The following CLDN10 variants were observed in gnomAD, a reference collection of about 807,000 sequenced individuals.
CLDN10 encodes the protein claudin 10, also known as claudin-10.
In CLDN10, 15 loss-of-function variants were observed where a neutral mutation model predicts 22.9. That is an observed-to-expected ratio of 0.65 (90% CI 0.44 to 1.01). The LOEUF (loss-of-function observed/expected upper bound fraction) is 1.01, where lower values mean the gene tolerates loss of function less well. CLDN10 is among the 50% of genes least tolerant of loss of function. The pLI, the probability that CLDN10 is intolerant of heterozygous loss-of-function variation, is 0.00. For missense variants in CLDN10, 247 were observed against 287.8 expected, an observed-to-expected ratio of 0.86 and a Z score of 1.03; for synonymous variants, 114 against 111.4, an observed-to-expected ratio of 1.02 and a Z score of -0.15.
At chr13:95,464,952 C>A (rs1236858421) in intron 1 of CLDN10, among the ~76,000 whole-genome samples, 1 of 152,126 alleles carries the variant, frequency 6.6e-6, no homozygotes, top group African/African-American at 2.4e-5. Flanking sequence ...GTCTCAAACT[C>A]CTGACCTCAA....
Position 95,562,499 on chromosome 13 carries a change from A to G in CLDN10, c.464+2036A>G, listed in dbSNP as rs945934302. 2.6e-5 allele frequency among the ~76,000 whole-genome samples: 4 copies of G among 152,368 alleles called. No individual in the cohort carries two copies. The East Asian group carries it at 7.7e-4, about 29-fold the overall frequency. Reference sequence around the variant, plus strand: ...TATCCCCTGCCTATAATACAAAAACATGTCCTAATTTATTAATTTTCTCCT... The same window carrying G: ...TATCCCCTGCCTATAATACAAAAACGTGTCCTAATTTATTAATTTTCTCCT... On this transcript the variant is annotated intron_variant, in intron 3 of 4. Coordinates refer to ENST00000299339, the MANE Select transcript of CLDN10 (RefSeq NM_006984.5).
intron 1 of CLDN10, among the ~76,000 whole-genome samples, chr13:95,466,350 CTT>C (rs1401808863): frequency 1.3e-5 from 2 of 151,672 alleles, no homozygotes; most frequent in Non-Finnish European, 2.9e-5. Context: ...TGTTTCCTCT[CTT>C]CTATTTTTTG....
intron 1 of CLDN10, among the ~76,000 whole-genome samples, chr13:95,455,656 C>A (rs2042475800): frequency 6.6e-6 from 1 of 152,148 alleles, no homozygotes; most frequent in Non-Finnish European, 1.5e-5. Flanking sequence ...TCACTCATTA[C>A]ATTTCTTCCT....
intron 1 of CLDN10, among the ~76,000 whole-genome samples, chr13:95,434,511 A>G (rs1056753036): frequency 7.4e-6 from 1 of 135,928 alleles, no homozygotes; most frequent in Non-Finnish European, 1.5e-5. Flanking sequence ...AGGTATCTAT[A>G]TGTGTGTGTG....
chr13:95,526,728 A>C (rs867720683), intron 1 of CLDN10, among the ~76,000 whole-genome samples: 144 of 152,266 alleles, frequency 9.5e-4, no homozygotes, highest in African/African-American at 3.2e-3. Flanking sequence ...TGGAGGTTGC[A>C]GTGAACCAAT....
At chr13:95,565,576 A>G (rs1566341105) in intron 3 of CLDN10, among the ~76,000 whole-genome samples, 1 of 152,224 alleles carries the variant, frequency 6.6e-6, no homozygotes, top group East Asian at 1.9e-4. Flanking sequence ...ATAATAAAAT[A>G]TTTTCACCAT....
intron 1 of CLDN10, among the ~76,000 whole-genome samples, chr13:95,455,645 T>A (rs531418053): frequency 1.3e-5 from 2 of 152,268 alleles, no homozygotes. Flanking sequence ...AACTTATTTA[T>A]TCACTCATTA....
intron 1 of CLDN10, among the ~76,000 whole-genome samples, chr13:95,464,493 G>T (rs191640617): frequency 6.6e-6 from 1 of 152,146 alleles, no homozygotes; most frequent in South Asian, 2.1e-4. Flanking sequence ...TCTTAATCCA[G>T]TCTATGATTG....
intron 3 of CLDN10, among the ~76,000 whole-genome samples, chr13:95,567,391 TG>T (rs1193295952): frequency 6.6e-6 from 1 of 152,236 alleles, no homozygotes; most frequent in Non-Finnish European, 1.5e-5. Context: ...CAATTGTGAA[TG>T]GGAGTTCACT....
chr13:95,461,022 G>A (rs542792967), intron 1 of CLDN10, among the ~76,000 whole-genome samples: 1 of 152,242 alleles, frequency 6.6e-6, no homozygotes, highest in South Asian at 2.1e-4. Context: ...TGAGGCAGGG[G>A]AATTGCTTGA....
At chr13:95,453,574 C>T (rs1335910640) in intron 1 of CLDN10, among the ~76,000 whole-genome samples, 1 of 151,980 alleles carries the variant, frequency 6.6e-6, no homozygotes, top group Non-Finnish European at 1.5e-5. Context: ...AACCCAGTTA[C>T]TAGGGAGGCT....
chr13:95,485,131 G>C lies in CLDN10; in HGVS notation c.214+51084G>C, dbSNP rs2042792180. ...GAGAGCCACGTGGGGGTTGCAGCTG[G>C]GAACAGAGTGAACCACCAGGAAGCT... On this transcript the variant is annotated intron_variant, in intron 1 of 4. Transcript: ENST00000376873. 3.3e-5 allele frequency among the ~76,000 whole-genome samples: 4 copies of C among 119,540 alleles called. No homozygotes were observed. The South Asian group carries it at 1.1e-3, about 33-fold the overall frequency. 78.4% of individuals were successfully genotyped at this position (119,540 alleles called of 152,430 possible).
intron 1 of CLDN10, among the ~76,000 whole-genome samples, chr13:95,442,927 A>T (rs1249070421): frequency 1.3e-5 from 2 of 152,254 alleles, no homozygotes; most frequent in Non-Finnish European, 2.9e-5. Context: ...TGTCACAATC[A>T]TAAGTTAGCC....
At chr13:95,485,913 G>A (rs76453160) in intron 1 of CLDN10, among the ~76,000 whole-genome samples, 4,351 of 152,260 alleles carry the variant, frequency 0.029, 90 homozygotes, top group Middle Eastern at 0.071. Flanking sequence ...ACAACATTCT[G>A]AGATAAGGAA....
At chr13:95,521,056 C>A (rs75130888) in intron 1 of CLDN10, among the ~76,000 whole-genome samples, 15,153 of 151,938 alleles carry the variant, frequency 0.1, 923 homozygotes, top group Middle Eastern at 0.13. Context: ...TTGCTAAACT[C>A]TCATATTAAT....
At chr13:95,475,494 A>G (rs962455998) in intron 1 of CLDN10, among the ~76,000 whole-genome samples, 1 of 152,078 alleles carries the variant, frequency 6.6e-6, no homozygotes. Context: ...TTGCCAGCCC[A>G]CCTCAGCTGT....
chr13:95,505,211 T>C (rs561368792), intron 1 of CLDN10, among the ~76,000 whole-genome samples: 4 of 152,366 alleles, frequency 2.6e-5, no homozygotes, highest in African/African-American at 9.6e-5. Flanking sequence ...GATAGGATGG[T>C]ATCAGGTTCT....
At position 95,560,043 on chromosome 13, in the gene CLDN10, C is replaced by T; in HGVS notation, c.221-89C>T. 15 of 1,278,832 alleles carry T rather than the reference C, an allele frequency of 1.2e-5. No homozygotes were observed. In the South Asian group the frequency reaches 2.0e-4, roughly 17 times the overall value. The allele number at this position is 1,278,832 out of a possible 1,614,324, so 79.2% of individuals were successfully genotyped here. A position where few individuals can be genotyped will look rare whatever the true frequency, so the allele number is the denominator to read the frequency against. ...CCATCACAGTTATCTTTTTGGAAAACAAACATCCAGAATGACAACGTAAAA... is the reference window on the plus strand; with the variant it reads ...CCATCACAGTTATCTTTTTGGAAAATAAACATCCAGAATGACAACGTAAAA... On this transcript the variant is annotated intron_variant, in intron 1 of 4. Coordinates refer to ENST00000299339, the MANE Select transcript of CLDN10 (RefSeq NM_006984.5).
chr13:95,542,679 C>A (rs952820111), intron 1 of CLDN10, among the ~76,000 whole-genome samples: 17 of 151,678 alleles, frequency 1.1e-4, no homozygotes, highest in Non-Finnish European at 2.5e-4. Context: ...TGGTGGCGCA[C>A]GCCTGTAGTT....
Sources: gnomAD v4.1 joint callset for allele counts (sites outside exome capture counted in the v4.1 genomes callset) on GRCh38, gnomAD v4.1.1 for gene constraint, MANE v1.5 for transcripts, NCBI Gene and HGNC (gene_info 2026-07-23, HGNC 2026-07-21) for gene names.